Variants in PCDHGA8 observed in about 807,000 individuals in gnomAD.
PCDHGA8 encodes the protein protocadherin gamma-A8.
A neutral mutation model predicts 59.2 loss-of-function variants in PCDHGA8; 45 were observed. The observed-to-expected ratio is 0.76, with a 90% CI of 0.60 to 0.98. The LOEUF is 0.98. Among genes scored for constraint, PCDHGA8 ranks in the 50% least tolerant of loss-of-function variants. PCDHGA8 has a pLI of 0.00. For missense variants in PCDHGA8, 1,257 were observed against 1,196.2 expected, an observed-to-expected ratio of 1.05 and a Z score of -0.75; for synonymous variants, 531 against 519.0, an observed-to-expected ratio of 1.02 and a Z score of -0.32.
chr5:141,417,783 C>T, intron 1 of PCDHGA8: 1 of 1,474,286 alleles, frequency 6.8e-7, no homozygotes, highest in Non-Finnish European at 9.0e-7. Flanking sequence ...TGTCCTGGGC[C>T]GAATGCTCTT....
chr5:141,419,846 G>T (rs1407937968), intron 1 of PCDHGA8: 2 of 1,614,066 alleles, frequency 1.2e-6, no homozygotes, highest in Non-Finnish European at 1.7e-6. Context: ...GCTGCACCTG[G>T]TGTTCGCAGA....
chr5:141,418,579 A>G (rs1561774780), intron 1 of PCDHGA8: 1 of 1,614,000 alleles, frequency 6.2e-7, no homozygotes, highest in Admixed American at 1.7e-5. Flanking sequence ...ACAACCCCCC[A>G]GTGTTCAGCC....
Position 141,431,067 on chromosome 5 carries a change from A to G in PCDHGA8, c.2424+35830A>G. The G allele has an allele frequency of 1.2e-6, 2 of 1,614,164 alleles. No homozygotes were observed. Among genetic ancestry groups the G allele is most frequent in the Non-Finnish European group, 1.7e-6 (2 of 1,179,976 alleles). Reference sequence around the variant, plus strand: ...CTCTGTATGGGGGCCATCAAGTGTCAATTAAATCTAGACATTCTGATGGAG... The same window carrying G: ...CTCTGTATGGGGGCCATCAAGTGTCGATTAAATCTAGACATTCTGATGGAG... On this transcript the variant is annotated intron_variant, in intron 1 of 3. Transcript: ENST00000398604. This position sits in a 1 kb window ranked among gnomAD's most constrained non-coding sequence, Gnocchi z 4.8.
In PCDHGA8 at chr5:141,491,729, C is replaced by T. The variant is rs766649819; in HGVS notation, c.2425-3078C>T. On this transcript the variant is annotated intron_variant, in intron 1 of 3. Coordinates refer to ENST00000398604, the MANE Select transcript of PCDHGA8 (RefSeq NM_032088.2). This position sits in a 1 kb window ranked among gnomAD's most constrained non-coding sequence, Gnocchi z 6.9. ...AGGGGCTCGGCGCCGCCCCGGGCGA[C>T]CCCTGGGGGCGGCACTGGAGAAGCC... 6.1e-5 allele frequency: 98 copies of T among 1,603,832 alleles called. No homozygotes were observed. Among genetic ancestry groups the T allele is most frequent in the Non-Finnish European group, 7.9e-5 (93 of 1,175,848 alleles).
chr5:141,431,697 G>T lies in PCDHGA8; in HGVS notation c.2424+36460G>T, dbSNP rs1303639699. 6.2e-7 allele frequency: 1 copy of T among 1,614,206 alleles called. No homozygotes were observed. Among genetic ancestry groups the T allele is most frequent in the Admixed American group, 1.7e-5 (1 of 60,024 alleles). ...GGGGAGTTGGACCACGAGGAGTCAG[G>T]ATTCTACCAGATGGAAGTGCAAGCA... On this transcript the variant is annotated intron_variant, in intron 1 of 3. Transcript: ENST00000398604. This position sits in a 1 kb window ranked among gnomAD's most constrained non-coding sequence, Gnocchi z 4.8.
intron 1 of PCDHGA8, chr5:141,403,468 C>G: frequency 6.2e-7 from 1 of 1,614,054 alleles, no homozygotes; most frequent in Non-Finnish European, 8.5e-7. Flanking sequence ...GCTACCAGCT[C>G]AGCCCCAATC....
chr5:141,495,005 CG>C (rs2099758180), intron 2 of PCDHGA8, 140 bp downstream of exon 2: 2 of 1,522,694 alleles, frequency 1.3e-6, no homozygotes, highest in African/African-American at 1.4e-5. Context: ...TCTTGGTGTG[CG>C]GGGGGCTGGC....
At chr5:141,435,875 T>C (rs1324511823) in intron 1 of PCDHGA8, among the ~76,000 whole-genome samples, 1 of 152,100 alleles carries the variant, frequency 6.6e-6, no homozygotes, top group African/African-American at 2.4e-5. Flanking sequence ...AGAAAAGAGA[T>C]TGGAAACCCC....
intron 1 of PCDHGA8, chr5:141,418,282 A>G (rs1209026046): frequency 6.2e-7 from 1 of 1,614,030 alleles, no homozygotes; most frequent in Admixed American, 1.7e-5. Flanking sequence ...TAAACTTAGA[A>G]ATCAGTGAAT....
chr5:141,475,202 G>T (rs746895166), intron 1 of PCDHGA8, among the ~76,000 whole-genome samples: 38 of 152,086 alleles, frequency 2.5e-4, no homozygotes, highest in Non-Finnish European at 5.3e-4. Context: ...CAAGATCTTG[G>T]GAAAAGGATT....
chr5:141,471,789 TCATATAAAAGA>T (rs777265354), intron 1 of PCDHGA8, among the ~76,000 whole-genome samples: 14 of 152,224 alleles, frequency 9.2e-5, no homozygotes, highest in Non-Finnish European at 1.9e-4. Flanking sequence ...TTATGCTATG[TCATATAAAAGA>T]CATATAAAAG....
At chr5:141,444,864 A>G (rs1304165078) in intron 1 of PCDHGA8, among the ~76,000 whole-genome samples, 1 of 152,210 alleles carries the variant, frequency 6.6e-6, no homozygotes, top group African/African-American at 2.4e-5. Context: ...GTCTTACTAC[A>G]GGACAAAGCT....
In PCDHGA8 at chr5:141,417,986, A is replaced by G. The variant is rs777967345; in HGVS notation, c.2424+22749A>G. On this transcript the variant is annotated intron_variant, in intron 1 of 3. Coordinates refer to ENST00000398604, the MANE Select transcript of PCDHGA8 (RefSeq NM_032088.2). ...CTACTCGATTCCGGAGGAGCTGGCC[A>G]AGGGCTCGGTGGTGGGGAACCTCGC... The G allele has an allele frequency of 9.9e-6, 16 of 1,613,490 alleles. No individual in the cohort carries two copies. Among genetic ancestry groups the G allele is most frequent in the Non-Finnish European group, 1.4e-5 (16 of 1,179,718 alleles).
chr5:141,405,459 A>G (rs553327050), intron 1 of PCDHGA8: 1 of 1,229,452 alleles, frequency 8.1e-7, no homozygotes, highest in African/African-American at 1.5e-5. Context: ...TTACTCTGTT[A>G]CCCAGGCTGG....
chr5:141,422,975 C>T (rs751065595), intron 1 of PCDHGA8: 130 of 1,614,092 alleles, frequency 8.1e-5, no homozygotes, highest in Non-Finnish European at 1.0e-4. Context: ...CCCCGCTCTG[C>T]GGAACCTGGC....
intron 1 of PCDHGA8, among the ~76,000 whole-genome samples, chr5:141,460,256 C>T (rs1315761341): frequency 6.6e-6 from 1 of 151,704 alleles, no homozygotes; most frequent in Admixed American, 6.6e-5. Context: ...TTGATAAAGC[C>T]CAATTTATTT....
In PCDHGA8 at chr5:141,511,259, A is replaced by G; in HGVS notation, c.*86A>G. On this transcript the variant is annotated 3_prime_UTR_variant, in exon 4 of 4. Transcript: ENST00000398604. ...ACCTGCACCCAGGCCTCAGAGTTTCAGGGCTAACCCCCAGAATACTGGTAG... is the reference window on the plus strand; with the variant it reads ...ACCTGCACCCAGGCCTCAGAGTTTCGGGGCTAACCCCCAGAATACTGGTAG... 1.3e-6 allele frequency: 2 copies of G among 1,559,840 alleles called. No individual in the cohort carries two copies. The highest frequency in any genetic ancestry group is 1.7e-6 in the Non-Finnish European group (2 of 1,152,466).
chr5:141,412,027 C>T (rs1360599996), intron 1 of PCDHGA8: 1 of 152,086 alleles, frequency 6.6e-6, no homozygotes, highest in Non-Finnish European at 1.5e-5. Context: ...ATCCTGTTCT[C>T]TGTGTGAAAG....
intron 1 of PCDHGA8, chr5:141,419,076 C>G: frequency 6.2e-7 from 1 of 1,613,956 alleles, no homozygotes; most frequent in Non-Finnish European, 8.5e-7. Context: ...AAGCTAGTAA[C>G]AGATGAGGCC....
Sources: allele counts gnomAD v4.1 joint callset (sites outside exome capture counted in the v4.1 genomes callset), GRCh38; gene constraint gnomAD v4.1.1; non-coding constraint Gnocchi (gnomAD v3.1); transcripts MANE v1.5; gene names NCBI Gene and HGNC (gene_info 2026-07-23, HGNC 2026-07-21).